The following DOCK9 variants were observed in gnomAD, a reference collection of about 807,000 sequenced individuals.
DOCK9 encodes the protein dedicator of cytokinesis protein 9.
A neutral mutation model predicts 263.3 loss-of-function variants in DOCK9; 89 were observed. The observed-to-expected ratio is 0.34, with a 90% CI of 0.28 to 0.40. DOCK9 has a LOEUF of 0.40. DOCK9 is among the 10% of genes least tolerant of loss of function. DOCK9 has a pLI of 1.00. For missense variants in DOCK9, 2,140 were observed against 2,603.4 expected, an observed-to-expected ratio of 0.82 and a Z score of 3.87; for synonymous variants, 976 against 973.1, an observed-to-expected ratio of 1.00 and a Z score of -0.06.
rs201047354 is a variant in DOCK9, at chr13:98,868,236, T to A, written c.3085A>T (p.Ile1029Phe). Reference sequence around the variant, plus strand: ...TCTTCCCTGGAGGTCCCCACCTTGATGAAGACAGCAAGGCTATGATTCGCG... The same window carrying A: ...TCTTCCCTGGAGGTCCCCACCTTGAAGAAGACAGCAAGGCTATGATTCGCG... ...KNANHSLAVF[I>F]KRCFTFMDRG... Residue 1029 changes from isoleucine (I) to phenylalanine (F), a missense_variant, in exon 28 of 53, where the codon ATC becomes TTC. By Grantham distance (21) the Ile-to-Phe change is conservative (BLOSUM62 0). This residue lies in a region of DOCK9 where 1,521 missense variants were observed against 1,741.7 expected (regional missense o/e 0.87). Transcript: ENST00000682017. 535 of 1,613,642 alleles carry A rather than the reference T, an allele frequency of 3.3e-4. No individual in the cohort carries two copies. The highest frequency in any genetic ancestry group is 4.3e-4 in the Non-Finnish European group (510 of 1,179,838).
chr13:98,892,719 A>G (rs7320305), intron 15 of DOCK9, among the ~76,000 whole-genome samples: 80,173 of 152,020 alleles, frequency 0.53, 21,712 homozygotes, highest in Middle Eastern at 0.61. Flanking sequence ...TACTTACGGC[A>G]TATGAGGGCA....
At chr13:98,898,042 C>A in intron 14 of DOCK9, 137 bp downstream of exon 14, 1 of 664,252 alleles carries the variant, frequency 1.5e-6, no homozygotes, top group Non-Finnish European at 2.5e-6. Context: ...ATGATTTTTT[C>A]AAAATCTGGG....
Position 98,881,880 on chromosome 13 carries a change from C to T in DOCK9, c.2675+12G>A. The T allele has an allele frequency of 3.2e-6, 5 of 1,550,700 alleles. No homozygotes were observed. Among genetic ancestry groups the T allele is most frequent in the East Asian group, 2.4e-5 (1 of 41,746 alleles). ...CTAGAAGTGAGGAAGAGCATCCATC[C>T]ACCTCCCTTACCGAGTCACGTTAAC... On this transcript the variant is annotated intron_variant, in intron 24 of 52. Transcript: ENST00000682017.
intron 1 of DOCK9, among the ~76,000 whole-genome samples, chr13:99,060,872 G>C (rs1314938199): frequency 2.6e-5 from 4 of 152,094 alleles, no homozygotes; most frequent in African/African-American, 9.7e-5. Flanking sequence ...CTATCCTCAG[G>C]GTCTGGCAGA....
intron 1 of DOCK9, chr13:99,086,088 A>C: frequency 7.8e-7 from 1 of 1,283,204 alleles, no homozygotes; most frequent in South Asian, 1.8e-5. Flanking sequence ...CGCCGGCCCC[A>C]CCTCTTGATT....
intron 1 of DOCK9, among the ~76,000 whole-genome samples, chr13:98,999,316 A>ACTCTCTCTCTCT (rs903855891): frequency 1.3e-4 from 18 of 138,346 alleles, no homozygotes; most frequent in Admixed American, 2.8e-4. Context: ...ACACACACAC[A>ACTCTCTCTCTCT]CTCTCTCTCT....
chr13:98,940,818 A>C (rs1476853471), intron 2 of DOCK9, among the ~76,000 whole-genome samples: 1 of 152,076 alleles, frequency 6.6e-6, no homozygotes, highest in Non-Finnish European at 1.5e-5. Flanking sequence ...ACAGTGCAGC[A>C]CCCTAACTGG....
chr13:98,960,720 A>C (rs34237228), intron 1 of DOCK9, among the ~76,000 whole-genome samples: 43,573 of 152,062 alleles, frequency 0.29, 6,327 homozygotes, highest in Middle Eastern at 0.45. Flanking sequence ...GTAAATTCTG[A>C]GGCCCCAGTC....
chr13:99,049,386 T>C (rs1297651804), intron 1 of DOCK9, among the ~76,000 whole-genome samples: 1 of 152,060 alleles, frequency 6.6e-6, no homozygotes, highest in East Asian at 1.9e-4. Flanking sequence ...AGTAAGGACA[T>C]CTTAGAAAAA....
rs190832389 is a variant in DOCK9 at position 98,960,771 on chromosome 13, C to T, written c.127-5220G>A. On this transcript the variant is annotated intron_variant, in intron 1 of 52. Coordinates refer to ENST00000682017, the MANE Select transcript of DOCK9 (RefSeq NM_001366683.2). The stretch of plus-strand genomic sequence containing the variant: ...AGCTCCAGGAGCAGGGACCAACTAC[C>T]TATACTTGAACATGCTCTCCAGGGG... 4.1e-4 allele frequency among the ~76,000 whole-genome samples: 63 copies of T among 152,268 alleles called. 1 individual carries two copies. In the South Asian group the frequency reaches 0.011, roughly 27 times the overall value.
rs771411462 is a variant in DOCK9, at chr13:98,922,048, C to T, written c.582+3G>A. On this transcript the variant is annotated splice_donor_region_variant and intron_variant, in intron 6 of 52. Transcript: ENST00000682017. ...GGGAGGGCAAAGTGATGTGCGTCCT[C>T]ACCCTCATGGTCACGCTGATGGCAC... is the stretch of plus-strand genomic sequence containing the variant. 1.3e-5 allele frequency: 21 copies of T among 1,587,106 alleles called. 1 individual carries two copies. The highest frequency in any genetic ancestry group is 2.0e-4 in the Middle Eastern group (1 of 4,942).
chr13:98,835,883 G>A (rs563660996), intron 39 of DOCK9, among the ~76,000 whole-genome samples: 101 of 151,878 alleles, frequency 6.7e-4, no homozygotes, highest in African/African-American at 2.3e-3. Context: ...GACTACAAGC[G>A]CACGCCACCA....
At chr13:98,909,484 G>A (rs2049666687) in intron 9 of DOCK9, among the ~76,000 whole-genome samples, 1 of 152,196 alleles carries the variant, frequency 6.6e-6, no homozygotes, top group African/African-American at 2.4e-5. Context: ...TGTGTTGAAT[G>A]TTGGGTCATT....
At chr13:98,867,125 G>A in intron 30 of DOCK9, 1 of 475,494 alleles carries the variant, frequency 2.1e-6, no homozygotes, top group Non-Finnish European at 4.0e-6. Context: ...AAGAAAAAAG[G>A]AAAAGTGAAA....
At chr13:98,999,288 G>GCACGCACA (rs1412789503) in intron 1 of DOCK9, among the ~76,000 whole-genome samples, 1 of 137,594 alleles carries the variant, frequency 7.3e-6, no homozygotes, top group African/African-American at 2.9e-5. Context: ...ACGCATGCAC[G>GCACGCACA]CGCACACACA....
chr13:98,961,193 A>G (rs2058601240), intron 1 of DOCK9, among the ~76,000 whole-genome samples: 1 of 152,184 alleles, frequency 6.6e-6, no homozygotes, highest in Non-Finnish European at 1.5e-5. Context: ...GCTTGGAGAG[A>G]GCAAAGAAGA....
chr13:98,905,889 G>A (rs1158933855), intron 9 of DOCK9, among the ~76,000 whole-genome samples: 1 of 152,096 alleles, frequency 6.6e-6, no homozygotes, highest in African/African-American at 2.4e-5. Context: ...ACTCGGGCAG[G>A]GCTGAGGCAA....
At chr13:98,975,403 A>T (rs932721217) in intron 1 of DOCK9, among the ~76,000 whole-genome samples, 11 of 151,896 alleles carry the variant, frequency 7.2e-5, no homozygotes, top group African/African-American at 2.2e-4. Flanking sequence ...GTGACAAAAG[A>T]TGTTACTGAC....
chr13:98,911,496 T>C (rs554915392), intron 9 of DOCK9, among the ~76,000 whole-genome samples: 1 of 152,328 alleles, frequency 6.6e-6, no homozygotes, highest in South Asian at 2.1e-4. Flanking sequence ...CAAATATCTT[T>C]TATATCACTA....
Sources: allele counts gnomAD v4.1 joint callset (sites outside exome capture counted in the v4.1 genomes callset), GRCh38; gene constraint gnomAD v4.1.1; regional missense constraint gnomAD v4.1.1; transcripts MANE v1.5; gene names NCBI Gene and HGNC (gene_info 2026-07-23, HGNC 2026-07-21).